JAM2: variants seen among roughly 807,000 people sequenced by gnomAD.
JAM2 encodes the protein junctional adhesion molecule 2, also known as junctional adhesion molecule B.
In JAM2, 17 loss-of-function variants were observed where a neutral mutation model predicts 42.0. That is an observed-to-expected ratio of 0.40 (90% CI 0.28 to 0.61). The LOEUF (loss-of-function observed/expected upper bound fraction) is 0.61, where lower values mean the gene tolerates loss of function less well. JAM2 is among the 20% of genes least tolerant of loss of function. The probability of loss-of-function intolerance (pLI) is 0.37; values close to 1 mark genes in which losing one functional copy is unlikely to be tolerated. For synonymous variants in JAM2, 118 were observed against 128.6 expected, an observed-to-expected ratio of 0.92 and a Z score of 0.56; for missense variants, 319 against 358.3, an observed-to-expected ratio of 0.89 and a Z score of 0.89.
chr21:25,678,977 T>A (rs756244708), intron 1 of JAM2, among the ~76,000 whole-genome samples: 1 of 152,170 alleles, frequency 6.6e-6, no homozygotes, highest in African/African-American at 2.4e-5. Flanking sequence ...TTTTTAAAAA[T>A]TTTTTGTAGA....
intron 1 of JAM2, among the ~76,000 whole-genome samples, chr21:25,667,046 A>C (rs1335250628): frequency 2.0e-5 from 3 of 152,236 alleles, no homozygotes; most frequent in South Asian, 4.1e-4. Flanking sequence ...TAAAAAAATT[A>C]AAGTGGTATA....
intron 1 of JAM2, among the ~76,000 whole-genome samples, chr21:25,653,504 C>A (rs1032340655): frequency 1.3e-5 from 2 of 152,120 alleles, no homozygotes; most frequent in African/African-American, 4.8e-5. Context: ...GCTGGGGAGG[C>A]CTCAGAAAAC....
chr21:25,684,503 T>G (rs536616481), intron 2 of JAM2, among the ~76,000 whole-genome samples: 1 of 151,894 alleles, frequency 6.6e-6, no homozygotes, highest in Non-Finnish European at 1.5e-5. Flanking sequence ...AGATGGTGAA[T>G]TTTACGTTTA....
At chr21:25,693,371 C>T (rs1256594930) in intron 3 of JAM2, among the ~76,000 whole-genome samples, 6 of 151,956 alleles carry the variant, frequency 3.9e-5, no homozygotes, top group Non-Finnish European at 8.8e-5. Flanking sequence ...AATTCTCCTG[C>T]CTCAGACTCC....
intron 1 of JAM2, among the ~76,000 whole-genome samples, chr21:25,644,633 A>C (rs2032549666): frequency 6.6e-6 from 1 of 152,200 alleles, no homozygotes; most frequent in South Asian, 2.1e-4. Context: ...ATCCATCTAC[A>C]ACTGCAATTC....
At chr21:25,650,522 T>C (rs2032744085) in intron 1 of JAM2, among the ~76,000 whole-genome samples, 1 of 152,208 alleles carries the variant, frequency 6.6e-6, no homozygotes, top group South Asian at 2.1e-4. Context: ...CAAAAAACAC[T>C]GAATCAGTGA....
intron 8 of JAM2, 187 bp downstream of exon 8, chr21:25,709,636 C>A (rs1303891421): frequency 2.3e-6 from 1 of 427,392 alleles, no homozygotes; most frequent in Non-Finnish European, 4.3e-6. Flanking sequence ...AGAAAATACC[C>A]GAGACTGGGT....
At chr21:25,678,709 T>C (rs2033557095) in intron 1 of JAM2, among the ~76,000 whole-genome samples, 1 of 152,230 alleles carries the variant, frequency 6.6e-6, no homozygotes. Flanking sequence ...GTTTCCCTAT[T>C]GAATATGTTT....
At chr21:25,687,511 G>A (rs2033775608) in intron 2 of JAM2, among the ~76,000 whole-genome samples, 2 of 152,182 alleles carry the variant, frequency 1.3e-5, no homozygotes, top group African/African-American at 4.8e-5. Flanking sequence ...GAATTCATGA[G>A]AGTTAGGTTG....
intron 1 of JAM2, among the ~76,000 whole-genome samples, chr21:25,667,940 G>A (rs1050155126): frequency 5.9e-5 from 9 of 152,192 alleles, no homozygotes; most frequent in African/African-American, 1.7e-4. Flanking sequence ...CAGGAATGTC[G>A]AAGGGGAAAG....
In JAM2 at chr21:25,705,980, T is replaced by C; in HGVS notation, c.699T>C (p.Asp233=). ...TGCGTAATTTATTTTACATTCCAGA[T>C]GATCTCAACATAAGTGGCATCATAG... ...RRCPGKRMQV[D]DLNISGIIAA... The change falls in exon 7 of 10, where the codon GAT becomes GAC. Residue 233 remains aspartate, a splice_region_variant and synonymous_variant. Transcript: ENST00000480456. 2 of 1,599,252 alleles carry C rather than the reference T, an allele frequency of 1.3e-6. No homozygotes were observed. Among genetic ancestry groups the C allele is most frequent in the Non-Finnish European group, 8.6e-7 (1 of 1,166,502 alleles).
rs762934325 is a variant in JAM2 at position 25,712,366 on chromosome 21, C to T, written c.848C>T (p.Thr283Met). Reference protein sequence around the residue: ...FQKSNSSSKATTMSENDFKHT... With the variant: ...FQKSNSSSKAMTMSENDFKHT... ...AAGAGTAATTCTTCATCTAAAGCCACGACAATGAGTGAAAATGTGAGTATC... is the reference window on the plus strand; with the variant it reads ...AAGAGTAATTCTTCATCTAAAGCCATGACAATGAGTGAAAATGTGAGTATC... The change falls in exon 9 of 10, where the codon ACG (threonine) becomes ATG (methionine). Residue 283 changes from threonine to methionine, a missense_variant. Transcript: ENST00000480456. 4.3e-5 allele frequency: 68 copies of T among 1,593,830 alleles called. No individual in the cohort carries two copies. In the Middle Eastern group the frequency reaches 5.0e-4, roughly 12 times the overall value.
At chr21:25,705,518 A>G (rs1219311832) in intron 6 of JAM2, among the ~76,000 whole-genome samples, 1 of 152,202 alleles carries the variant, frequency 6.6e-6, no homozygotes, top group Non-Finnish European at 1.5e-5. Context: ...GATTACAGGC[A>G]TGAGTCAACA....
intron 5 of JAM2, among the ~76,000 whole-genome samples, chr21:25,699,461 G>A (rs911059665): frequency 2.0e-5 from 3 of 152,036 alleles, no homozygotes; most frequent in African/African-American, 7.2e-5. Flanking sequence ...AGTGGCTCAC[G>A]CCTGTAATCC....
At chr21:25,712,146 T>C (rs1268131221) in intron 8 of JAM2, 194 bp from the exon 9 acceptor site, 4 of 611,180 alleles carry the variant, frequency 6.5e-6, no homozygotes, top group South Asian at 1.7e-5. Context: ...TGATGTTTTG[T>C]TGCATGACTT....
intron 3 of JAM2, among the ~76,000 whole-genome samples, chr21:25,691,565 AAAT>A (rs2033881798): frequency 6.6e-6 from 1 of 152,214 alleles, no homozygotes; most frequent in South Asian, 2.1e-4. Flanking sequence ...TCAAAAAATA[AAAT>A]AATGTTTTTA....
intron 1 of JAM2, among the ~76,000 whole-genome samples, chr21:25,672,560 T>C (rs1268325240): frequency 6.6e-6 from 1 of 152,256 alleles, no homozygotes; most frequent in Non-Finnish European, 1.5e-5. Context: ...AGTGGTTCTG[T>C]ACTTTTAATC....
intron 7 of JAM2, among the ~76,000 whole-genome samples, chr21:25,707,028 G>A (rs988046456): frequency 1.5e-4 from 23 of 152,118 alleles, no homozygotes; most frequent in African/African-American, 4.3e-4. Flanking sequence ...GTGAGCCACC[G>A]CGCCCAGACA....
At chr21:25,690,303 T>TCTCTTCCTTCCTTCCTTC (rs1463839393) in intron 3 of JAM2, among the ~76,000 whole-genome samples, 37 of 148,430 alleles carry the variant, frequency 2.5e-4, no homozygotes, top group African/African-American at 8.8e-4. Context: ...TTTCTTTCTT[T>TCTCTTCCTTCCTTCCTTC]CTCTTCCTTC....
Sources: allele counts gnomAD v4.1 joint callset (sites outside exome capture counted in the v4.1 genomes callset), GRCh38; gene constraint gnomAD v4.1.1; transcripts MANE v1.5; gene names NCBI Gene and HGNC (gene_info 2026-07-23, HGNC 2026-07-21).